The following NEXN variants were observed in gnomAD, a reference collection of about 807,000 sequenced individuals.
NEXN encodes the protein nexilin F-actin binding protein.
A neutral mutation model predicts 92.6 loss-of-function variants in NEXN; 65 were observed. The observed-to-expected ratio is 0.70, with a 90% confidence interval of 0.57 to 0.86. NEXN has a LOEUF of 0.86. Among genes scored for constraint, NEXN ranks in the 40% least tolerant of loss-of-function variants. NEXN has a pLI of 0.00. For missense variants in NEXN, 778 were observed against 771.1 expected (o/e 1.01, Z -0.11); for synonymous variants, 254 against 242.5 (o/e 1.05, Z -0.44).
chr1:77,926,897 A>G lies in NEXN; in HGVS notation c.864+5A>G. 6.2e-7 allele frequency: 1 copy of G among 1,613,826 alleles called. No individual in the cohort carries two copies. The highest frequency in any genetic ancestry group is 8.5e-7 in the Non-Finnish European group (1 of 1,179,970). On this transcript the variant is annotated splice_donor_5th_base_variant and intron_variant, in intron 8 of 12. Transcript: ENST00000334785. ...GAAGAAGCAAGGCGGCAAATGGTAAATCTACATATTTAAACCTTACAATTA... is the reference window on the plus strand; with the variant it reads ...GAAGAAGCAAGGCGGCAAATGGTAAGTCTACATATTTAAACCTTACAATTA...
intron 11 of NEXN, among the ~76,000 whole-genome samples, chr1:77,936,550 T>C (rs900044556): frequency 2.0e-5 from 3 of 152,258 alleles, no homozygotes; most frequent in Non-Finnish European, 4.4e-5. Flanking sequence ...ATAAAGCCTC[T>C]AGTATTTGCT....
intron 11 of NEXN, among the ~76,000 whole-genome samples, chr1:77,938,400 C>A (rs192255615): frequency 6.4e-4 from 97 of 152,070 alleles, no homozygotes; most frequent in Non-Finnish European, 2.6e-4. Context: ...CCTGTAATCC[C>A]GGCACTTTGG....
chr1:77,900,420 A>C (rs191649190), intron 1 of NEXN, among the ~76,000 whole-genome samples: 1 of 152,272 alleles, frequency 6.6e-6, no homozygotes, highest in East Asian at 1.9e-4. Flanking sequence ...TAATTAGTAC[A>C]TCTATTTCTG....
intron 10 of NEXN, among the ~76,000 whole-genome samples, chr1:77,934,245 G>C (rs987004944): frequency 4.6e-5 from 7 of 152,010 alleles, no homozygotes; most frequent in Non-Finnish European, 8.8e-5. Flanking sequence ...CCTGACTTCA[G>C]GTGATCCGCC....
At chr1:77,890,993 A>G (rs1647094087) in intron 1 of NEXN, among the ~76,000 whole-genome samples, 2 of 152,168 alleles carry the variant, frequency 1.3e-5, no homozygotes, top group Admixed American at 6.5e-5. Flanking sequence ...TTATTTAATC[A>G]ATCTGCGGTC....
chr1:77,926,014 G>C (rs1649812418), intron 6 of NEXN, among the ~76,000 whole-genome samples: 1 of 152,020 alleles, frequency 6.6e-6, no homozygotes, highest in Admixed American at 6.5e-5. Flanking sequence ...CTTGCATAGA[G>C]AGAAAAATCA....
intron 1 of NEXN, among the ~76,000 whole-genome samples, chr1:77,896,695 G>T (rs1167405497): frequency 6.6e-6 from 1 of 151,928 alleles, no homozygotes; most frequent in Non-Finnish European, 1.5e-5. Flanking sequence ...GGAGGCAGAG[G>T]TTGCAGTGAG....
At chr1:77,902,291 T>C (rs954955516) in intron 1 of NEXN, among the ~76,000 whole-genome samples, 90 of 152,206 alleles carry the variant, frequency 5.9e-4, no homozygotes, top group Non-Finnish European at 1.6e-4. Context: ...TTCAGAACTT[T>C]CCTTTAACGT....
intron 11 of NEXN, among the ~76,000 whole-genome samples, chr1:77,937,222 T>A (rs1360229040): frequency 6.6e-6 from 1 of 152,152 alleles, no homozygotes; most frequent in African/African-American, 2.4e-5. Context: ...GAGGACTGAT[T>A]GAGCCTGGGT....
At chr1:77,893,661 A>G (rs971598434) in intron 1 of NEXN, among the ~76,000 whole-genome samples, 2 of 152,152 alleles carry the variant, frequency 1.3e-5, no homozygotes, top group Non-Finnish European at 2.9e-5. Flanking sequence ...TGTGCGAAAC[A>G]CTAAAACTAT....
intron 6 of NEXN, 108 bp from the exon 7 acceptor site, chr1:77,926,306 A>G: frequency 1.4e-6 from 1 of 708,616 alleles, no homozygotes; most frequent in East Asian, 2.7e-5. Context: ...GTTCTTCATA[A>G]TAACATTGAT....
intron 1 of NEXN, among the ~76,000 whole-genome samples, chr1:77,893,762 A>C (rs1156841052): frequency 6.6e-6 from 1 of 152,096 alleles, no homozygotes; most frequent in African/African-American, 2.4e-5. Flanking sequence ...ATAAGGGCAA[A>C]GTGTTATTTA....
intron 6 of NEXN, 147 bp from the exon 7 acceptor site, chr1:77,926,265 GGA>G: frequency 1.7e-6 from 1 of 574,248 alleles, no homozygotes; most frequent in East Asian, 3.0e-5. Context: ...ATTTAGAGTA[GGA>G]GATATTTAAT....
Position 77,929,414 on chromosome 1 carries a change from A to T in NEXN, c.963A>T (p.Arg321Ser). 6.2e-7 allele frequency: 1 copy of T among 1,613,890 alleles called. No individual in the cohort carries two copies. Among genetic ancestry groups the T allele is most frequent in the Non-Finnish European group, 8.5e-7 (1 of 1,179,878 alleles). ...KLSFEEMERQ[R>S]REDEKRKAEE... Reference sequence around the variant, plus strand: ...GTTTTGAAGAAATGGAAAGGCAAAGAAGAGAAGATGAAAAAAGGAAAGCAG... The same window carrying T: ...GTTTTGAAGAAATGGAAAGGCAAAGTAGAGAAGATGAAAAAAGGAAAGCAG... The change falls in exon 9 of 13, where the codon AGA (arginine) becomes AGT (serine). Residue 321 changes from arginine to serine, a missense_variant. Arg to Ser is a moderately radical substitution (Grantham distance 110, BLOSUM62 -1). This residue lies in a region of NEXN where 532 missense variants were observed against 476.7 expected (regional missense o/e 1.12). Coordinates refer to ENST00000334785, the MANE Select transcript of NEXN (RefSeq NM_144573.4).
intron 9 of NEXN, chr1:77,933,064 G>A: frequency 2.6e-6 from 1 of 387,178 alleles, no homozygotes; most frequent in Non-Finnish European, 4.8e-6. Context: ...GGGAGGCTGA[G>A]GCAGGAGAAT....
At chr1:77,916,837 A>G (rs1202483197) in intron 2 of NEXN, among the ~76,000 whole-genome samples, 1 of 152,176 alleles carries the variant, frequency 6.6e-6, no homozygotes, top group Admixed American at 6.5e-5. Flanking sequence ...GAGGAAAATC[A>G]TTTCTTCAGT....
At position 77,927,607 on chromosome 1, in the gene NEXN, T is replaced by A. The variant is rs1421131399; in HGVS notation, c.864+715T>A. Among the ~76,000 whole-genome samples the A allele has an allele frequency of 8.5e-4, 120 of 141,246 alleles. No homozygotes were observed. In the Middle Eastern group the frequency reaches 0.011, roughly 13 times the overall value. The allele number at this position is 141,246 out of a possible 152,430, so 92.7% of individuals were successfully genotyped here. ...ATGCCTCTGTGTGTGTGTGTCTGTGTGTGTGTGTGTGTGTGTGTGTGTGTG... is the reference window on the plus strand; with the variant it reads ...ATGCCTCTGTGTGTGTGTGTCTGTGAGTGTGTGTGTGTGTGTGTGTGTGTG... On this transcript the variant is annotated intron_variant, in intron 8 of 12. Coordinates refer to ENST00000334785, the MANE Select transcript of NEXN (RefSeq NM_144573.4).
intron 11 of NEXN, among the ~76,000 whole-genome samples, chr1:77,940,372 T>C (rs1651159310): frequency 1.3e-5 from 2 of 152,180 alleles, no homozygotes; most frequent in Non-Finnish European, 2.9e-5. Flanking sequence ...AGAATACCAT[T>C]TATATTACTA....
Position 77,942,744 on chromosome 1 carries a change from A to G in NEXN, c.1943A>G (p.Asp648Gly), listed in dbSNP as rs754430866. 3 of 1,613,798 alleles carry G rather than the reference A, an allele frequency of 1.9e-6. No homozygotes were observed. The highest frequency in any genetic ancestry group is 2.5e-6 in the Non-Finnish European group (3 of 1,179,752). Residue 648 changes from aspartate (D) to glycine (G), a missense_variant, in exon 13 of 13, where the codon GAT becomes GGT. Physicochemically the swap from Asp to Gly is moderately conservative, Grantham distance 94 (BLOSUM62 -1). Coordinates refer to ENST00000334785, the MANE Select transcript of NEXN (RefSeq NM_144573.4). ...TACTTACCAGAAACTTTCCCAGAAGATGGAGGAGAGTATATGTGTAAAGCA... is the reference window on the plus strand; with the variant it reads ...TACTTACCAGAAACTTTCCCAGAAGGTGGAGGAGAGTATATGTGTAAAGCA... ...CLYLPETFPEDGGEYMCKAVN... is the reference protein window; with the variant it reads ...CLYLPETFPEGGGEYMCKAVN...
Sources: allele counts gnomAD v4.1 joint callset (sites outside exome capture counted in the v4.1 genomes callset), GRCh38; gene constraint gnomAD v4.1.1; regional missense constraint gnomAD v4.1.1; transcripts MANE v1.5; gene names NCBI Gene and HGNC (gene_info 2026-07-23, HGNC 2026-07-21).